The following CDH13 variants were observed in gnomAD, a reference collection of about 807,000 sequenced individuals.
The protein encoded by CDH13 is cadherin 13.
CDH13 carries 24 observed loss-of-function variants against 63.8 expected under a neutral mutation model. The observed-to-expected ratio is 0.38, with a 90% confidence interval of 0.27 to 0.53. CDH13 has a LOEUF of 0.53. CDH13 is among the 20% of genes least tolerant of loss of function. The probability of loss-of-function intolerance (pLI) is 0.85; values close to 1 mark genes in which losing one functional copy is unlikely to be tolerated. For synonymous variants in CDH13, 503 were observed against 355.3 expected (o/e 1.42, Z -4.67); for missense variants, 1,049 against 903.1 (o/e 1.16, Z -2.07).
chr16:83,379,534 T>C (rs1245706875), intron 6 of CDH13, among the ~76,000 whole-genome samples: 1 of 152,174 alleles, frequency 6.6e-6, no homozygotes, highest in African/African-American at 2.4e-5. Flanking sequence ...ACCTAAGAGT[T>C]TGATCACTCA....
At chr16:83,653,124 T>A (rs73246698) in intron 8 of CDH13, among the ~76,000 whole-genome samples, 10,237 of 152,022 alleles carry the variant, frequency 0.067, 539 homozygotes, top group African/African-American at 0.14. Context: ...AGAAAGCCAA[T>A]TAGTGGTTGC....
intron 6 of CDH13, among the ~76,000 whole-genome samples, chr16:83,444,080 A>G (rs1005060275): frequency 7.9e-5 from 12 of 151,226 alleles, no homozygotes; most frequent in Non-Finnish European, 1.5e-4. Context: ...CATCATGGCA[A>G]AGATGACAAT....
intron 6 of CDH13, among the ~76,000 whole-genome samples, chr16:83,482,439 T>C (rs1290998113): frequency 1.3e-5 from 2 of 152,256 alleles, no homozygotes; most frequent in Admixed American, 6.5e-5. Context: ...GCGTGCTTAA[T>C]AGAGGCACTG....
chr16:83,007,214 G>A (rs751716759), intron 2 of CDH13, among the ~76,000 whole-genome samples: 36 of 152,238 alleles, frequency 2.4e-4, no homozygotes, highest in African/African-American at 3.1e-4. Flanking sequence ...GAGCCACCGC[G>A]CCCAGCATGA....
chr16:83,497,327 A>G (rs1269932487), intron 7 of CDH13, among the ~76,000 whole-genome samples: 2 of 152,112 alleles, frequency 1.3e-5, no homozygotes, highest in Non-Finnish European at 2.9e-5. Flanking sequence ...AATACTATGC[A>G]GCCATAAAAA....
intron 1 of CDH13, among the ~76,000 whole-genome samples, chr16:82,654,596 A>C (rs1412853907): frequency 1.3e-5 from 2 of 152,152 alleles, no homozygotes; most frequent in Non-Finnish European, 2.9e-5. Context: ...TGCTTTGGGC[A>C]TTCCCATTTT....
intron 1 of CDH13, among the ~76,000 whole-genome samples, chr16:82,656,945 A>G (rs1181689602): frequency 1.4e-5 from 2 of 147,096 alleles, no homozygotes. Context: ...TTAGCATTGA[A>G]TAATATTTCA....
At chr16:83,625,596 C>G (rs1474785201) in intron 8 of CDH13, among the ~76,000 whole-genome samples, 1 of 152,222 alleles carries the variant, frequency 6.6e-6, no homozygotes, top group Non-Finnish European at 1.5e-5. Flanking sequence ...AAGTTATTTT[C>G]TCTTGGCATT....
At chr16:83,789,537 C>G (rs191487684) in intron 13 of CDH13, among the ~76,000 whole-genome samples, 1 of 152,048 alleles carries the variant, frequency 6.6e-6, no homozygotes, top group East Asian at 1.9e-4. Flanking sequence ...TTAGTAGAGA[C>G]AGGGTTTCGC....
chr16:83,583,754 T>A (rs4782824), intron 7 of CDH13, among the ~76,000 whole-genome samples: 144,051 of 151,512 alleles, frequency 0.95, 68,578 homozygotes, highest in Middle Eastern at 0.98. Context: ...CTAAAAATAC[T>A]AAAAAGAAAA....
intron 6 of CDH13, among the ~76,000 whole-genome samples, chr16:83,485,205 C>T (rs997628299): frequency 1.3e-5 from 2 of 152,314 alleles, no homozygotes; most frequent in African/African-American, 4.8e-5. Flanking sequence ...ACAGATAATT[C>T]AGCTAGAAAT....
intron 3 of CDH13, among the ~76,000 whole-genome samples, chr16:83,057,816 T>C (rs1412855698): frequency 2.0e-5 from 3 of 152,164 alleles, no homozygotes; most frequent in Non-Finnish European, 4.4e-5. Flanking sequence ...CAGAGTGTGC[T>C]TCCAGCACAC....
At chr16:82,662,767 A>G (rs1912111089) in intron 1 of CDH13, among the ~76,000 whole-genome samples, 1 of 152,214 alleles carries the variant, frequency 6.6e-6, no homozygotes, top group South Asian at 2.1e-4. Context: ...AGAGGCTTAA[A>G]CAACCACCAG....
intron 11 of CDH13, among the ~76,000 whole-genome samples, chr16:83,771,403 C>T (rs1041683767): frequency 3.3e-5 from 5 of 152,164 alleles, no homozygotes; most frequent in Non-Finnish European, 5.9e-5. Flanking sequence ...CCATGTGGTC[C>T]TATCGTGGTC....
At chr16:83,424,778 G>C (rs778078650) in intron 6 of CDH13, among the ~76,000 whole-genome samples, 3 of 152,126 alleles carry the variant, frequency 2.0e-5, no homozygotes, top group Non-Finnish European at 2.9e-5. Flanking sequence ...TACAGATGAA[G>C]CCACTGTATC....
chr16:82,888,514 A>G (rs2040969942), intron 2 of CDH13, among the ~76,000 whole-genome samples: 1 of 152,034 alleles, frequency 6.6e-6, no homozygotes, highest in Non-Finnish European at 1.5e-5. Flanking sequence ...CTGCTCCCCC[A>G]CAGCATCTCC....
At chr16:82,842,072 G>A (rs973434056) in intron 1 of CDH13, among the ~76,000 whole-genome samples, 2 of 133,672 alleles carry the variant, frequency 1.5e-5, no homozygotes, top group Admixed American at 1.7e-4. Flanking sequence ...CTTGAAATCT[G>A]AGCCAGTCTT....
chr16:83,463,520 G>C (rs1463496301), intron 6 of CDH13, among the ~76,000 whole-genome samples: 1 of 152,140 alleles, frequency 6.6e-6, no homozygotes, highest in South Asian at 2.1e-4. Context: ...TGGCATGCAG[G>C]CCAGGTGCAA....
chr16:82,721,511 TAG>T (rs2032768111), intron 1 of CDH13, among the ~76,000 whole-genome samples: 2 of 152,078 alleles, frequency 1.3e-5, no homozygotes, highest in African/African-American at 4.8e-5. Context: ...CCAGTGAGGC[TAG>T]AGTGGAACAC....
Sources: gnomAD v4.1 joint callset for allele counts (sites outside exome capture counted in the v4.1 genomes callset) on GRCh38, gnomAD v4.1.1 for gene constraint, MANE v1.5 for transcripts, NCBI Gene and HGNC (gene_info 2026-07-23, HGNC 2026-07-21) for gene names.